Variants in TFPI observed in about 807,000 individuals in gnomAD.
The protein encoded by TFPI is anti-convertin.
In TFPI, 15 loss-of-function variants were observed where a neutral mutation model predicts 34.6. That is an observed-to-expected ratio of 0.43 (90% CI 0.29 to 0.67). The LOEUF (loss-of-function observed/expected upper bound fraction) is 0.67. TFPI is among the 30% of genes least tolerant of loss of function. The pLI, the probability that TFPI is intolerant of heterozygous loss-of-function variation, is 0.15. For missense variants in TFPI, 301 were observed against 364.0 expected, an observed-to-expected ratio of 0.83 and a Z score of 1.41; for synonymous variants, 105 against 120.1, an observed-to-expected ratio of 0.87 and a Z score of 0.82.
At position 187,465,450 on chromosome 2, in the gene TFPI, G is replaced by A. The variant is rs1313755759; in HGVS notation, c.*1486C>T. ...ACTGCACTCCAGCCTGGGTGACAGA[G>A]TGGGACCCTGTCTAAAAAAACATAA... On this transcript the variant is annotated 3_prime_UTR_variant, in exon 8 of 8. Transcript: ENST00000233156. The A allele has an allele frequency of 3.8e-5, 5 of 132,576 alleles. No individual in the cohort carries two copies. Among genetic ancestry groups the A allele is most frequent in the Admixed American group, 1.6e-4 (2 of 12,138 alleles). The allele number at this position is 132,576 out of a possible 1,614,324, so 8.2% of individuals were successfully genotyped here.
intron 1 of TFPI, among the ~76,000 whole-genome samples, chr2:187,522,202 G>C (rs753017804): frequency 6.6e-6 from 1 of 152,082 alleles, no homozygotes. Context: ...GCCACGCAGA[G>C]CTTTTTAATT....
At chr2:187,526,071 AGC>A (rs1687661755) in intron 1 of TFPI, among the ~76,000 whole-genome samples, 1 of 152,136 alleles carries the variant, frequency 6.6e-6, no homozygotes, top group Non-Finnish European at 1.5e-5. Flanking sequence ...TGATAATGTT[AGC>A]TATTATAATT....
chr2:187,498,596 A>G (rs946741804), intron 2 of TFPI, among the ~76,000 whole-genome samples: 2 of 151,894 alleles, frequency 1.3e-5, no homozygotes, highest in Admixed American at 1.3e-4. Context: ...ATTTTTGAAC[A>G]CGTAAATTTT....
At chr2:187,499,665 AC>A (rs1685720696) in intron 2 of TFPI, 1 of 152,110 alleles carries the variant, frequency 6.6e-6, no homozygotes, top group African/African-American at 2.4e-5. Flanking sequence ...TTGTTTTGAA[AC>A]CAATAAAAAT....
intron 6 of TFPI, among the ~76,000 whole-genome samples, chr2:187,479,165 A>G (rs1692629216): frequency 6.6e-6 from 1 of 152,050 alleles, no homozygotes; most frequent in Non-Finnish European, 1.5e-5. Context: ...GAAAAGGCCA[A>G]TTTGAATGGA....
At chr2:187,479,085 A>G (rs1031082596) in intron 6 of TFPI, among the ~76,000 whole-genome samples, 1 of 152,114 alleles carries the variant, frequency 6.6e-6, no homozygotes, top group Non-Finnish European at 1.5e-5. Context: ...GGGTCAGTCA[A>G]TTTTAGGTGG....
chr2:187,497,616 C>G (rs1008833083), intron 2 of TFPI, among the ~76,000 whole-genome samples: 1 of 151,650 alleles, frequency 6.6e-6, no homozygotes, highest in African/African-American at 2.4e-5. Flanking sequence ...CTTACCATAC[C>G]ATGCTTGGGT....
chr2:187,467,675 A>G, intron 7 of TFPI, 78 bp downstream of exon 7: 1 of 1,254,256 alleles, frequency 8.0e-7, no homozygotes, highest in Non-Finnish European at 1.1e-6. Context: ...AATTAATTTC[A>G]TATCTTAATA....
At chr2:187,507,367 G>A (rs758321705) in intron 1 of TFPI, among the ~76,000 whole-genome samples, 11 of 151,968 alleles carry the variant, frequency 7.2e-5, no homozygotes, top group Non-Finnish European at 1.3e-4. Flanking sequence ...CGTGACAAAC[G>A]TGTGAAAGCG....
At chr2:187,502,133 G>A (rs1304401140) in intron 2 of TFPI, among the ~76,000 whole-genome samples, 1 of 152,090 alleles carries the variant, frequency 6.6e-6, no homozygotes, top group Non-Finnish European at 1.5e-5. Context: ...TGGTGAAGAG[G>A]TCTTTAAGTC....
At chr2:187,484,578 C>T in intron 5 of TFPI, 1 of 495,956 alleles carries the variant, frequency 2.0e-6, no homozygotes, top group South Asian at 3.5e-5. Flanking sequence ...GCAGTATTCT[C>T]AGGAAGAAGA....
chr2:187,544,108 A>C (rs1314859047), intron 1 of TFPI, among the ~76,000 whole-genome samples: 1 of 152,198 alleles, frequency 6.6e-6, no homozygotes, highest in Non-Finnish European at 1.5e-5. Context: ...TCCTATCAGC[A>C]GCCAAATATA....
chr2:187,533,353 G>C (rs7573488), intron 1 of TFPI, among the ~76,000 whole-genome samples: 36,454 of 152,058 alleles, frequency 0.24, 4,494 homozygotes, highest in Middle Eastern at 0.3. Context: ...CTGGGATGAG[G>C]CTTCCAGAGG....
At chr2:187,533,560 C>A (rs115727141) in intron 1 of TFPI, among the ~76,000 whole-genome samples, 13 of 152,160 alleles carry the variant, frequency 8.5e-5, no homozygotes, top group Admixed American at 8.5e-4. Flanking sequence ...CCCACACAAA[C>A]GTCACCAACA....
chr2:187,551,959 T>C (rs1236602138), intron 1 of TFPI, among the ~76,000 whole-genome samples: 6 of 152,146 alleles, frequency 3.9e-5, no homozygotes, highest in African/African-American at 1.4e-4. Context: ...TGTATTGTAG[T>C]ACAATTCTTA....
intron 2 of TFPI, among the ~76,000 whole-genome samples, chr2:187,497,457 A>G (rs1188133729): frequency 2.0e-5 from 3 of 151,944 alleles, no homozygotes; most frequent in Non-Finnish European, 4.4e-5. Context: ...ACATAAAACA[A>G]CCCTTTAAAA....
intron 6 of TFPI, among the ~76,000 whole-genome samples, chr2:187,474,469 TATTTAG>T (rs1212771179): frequency 6.6e-6 from 1 of 152,190 alleles, no homozygotes; most frequent in East Asian, 1.9e-4. Flanking sequence ...AATACTATTA[TATTTAG>T]ATTTTTATAA....
rs367816846 is a variant in TFPI at position 187,467,888 on chromosome 2, A to G, written c.673T>C (p.Leu225=). Residue 225 remains leucine (L), a synonymous_variant, in exon 7 of 8, where the codon TTG becomes CTG. Coordinates refer to ENST00000233156, the MANE Select transcript of TFPI (RefSeq NM_006287.6). ...SWCLTPADRG[L]CRANENRFYY... is the part of the protein sequence containing the mutation. ...AATCTGTTCTCATTGGCACGACACA[A>G]TCCTCTGTCTGCTGGAGTGAGACAC... 1.9e-6 allele frequency: 3 copies of G among 1,609,128 alleles called. No homozygotes were observed. Among genetic ancestry groups the G allele is most frequent in the Non-Finnish European group, 2.5e-6 (3 of 1,178,070 alleles).
At chr2:187,537,087 G>T (rs1230266802) in intron 1 of TFPI, among the ~76,000 whole-genome samples, 1 of 152,092 alleles carries the variant, frequency 6.6e-6, no homozygotes, top group African/African-American at 2.4e-5. Context: ...AATAAGAGAG[G>T]ACACAAACAA....
Sources: gnomAD v4.1 joint callset for allele counts (sites outside exome capture counted in the v4.1 genomes callset) on GRCh38, gnomAD v4.1.1 for gene constraint, MANE v1.5 for transcripts, NCBI Gene and HGNC (gene_info 2026-07-23, HGNC 2026-07-21) for gene names.